The following CATSPERE variants were observed in gnomAD, a reference collection of about 807,000 sequenced individuals.
CATSPERE encodes the protein catsper channel auxiliary subunit epsilon.
In CATSPERE, 93 loss-of-function variants were observed where a neutral mutation model predicts 114.1. That is an observed-to-expected ratio of 0.81 (90% CI 0.69 to 0.97). CATSPERE has a LOEUF of 0.97. Among genes scored for constraint, CATSPERE ranks in the 50% least tolerant of loss-of-function variants. The pLI, the probability that CATSPERE is intolerant of heterozygous loss-of-function variation, is 0.00. For missense variants in CATSPERE, 1,058 were observed against 1,131.6 expected, an observed-to-expected ratio of 0.93 and a Z score of 0.93; for synonymous variants, 341 against 384.1, an observed-to-expected ratio of 0.89 and a Z score of 1.31.
rs1679309298 is a variant in CATSPERE, at chr1:244,529,857, A to G, written c.536+11159A>G. 5.9e-5 allele frequency among the ~76,000 whole-genome samples: 9 copies of G among 152,158 alleles called. No homozygotes were observed. The South Asian group carries it at 1.9e-3, about 32-fold the overall frequency. On this transcript the variant is annotated intron_variant, in intron 8 of 21. Coordinates refer to ENST00000366534, the MANE Select transcript of CATSPERE (RefSeq NM_001130957.2). Reference sequence around the variant, plus strand: ...GTAGTTTTATAGTTTGAGGTTTTAGACTTAAGTCTTTAATTCACTTGTTTT... The same window carrying G: ...GTAGTTTTATAGTTTGAGGTTTTAGGCTTAAGTCTTTAATTCACTTGTTTT...
At chr1:244,589,068 A>G (rs993928378) in intron 14 of CATSPERE, among the ~76,000 whole-genome samples, 1 of 152,222 alleles carries the variant, frequency 6.6e-6, no homozygotes, top group Non-Finnish European at 1.5e-5. Flanking sequence ...ACTATGGTTC[A>G]TGATGAAGCA....
rs1347321100 is a variant in CATSPERE, at chr1:244,581,844, T to C, written c.1999T>C (p.Phe667Leu). 3.1e-6 allele frequency: 4 copies of C among 1,309,736 alleles called. No individual in the cohort carries two copies. Among genetic ancestry groups the C allele is most frequent in the Non-Finnish European group, 4.3e-6 (4 of 930,944 alleles). The allele number at this position is 1,309,736 out of a possible 1,614,324, so 81.1% of individuals were successfully genotyped here. A position where few individuals can be genotyped will look rare whatever the true frequency, so the allele number is the denominator to read the frequency against. Residue 667 changes from phenylalanine (F) to leucine (L), a missense_variant, in exon 12 of 22, where the codon TTT becomes CTT. This residue lies in a region of CATSPERE where 787 missense variants were observed against 905.6 expected (regional missense o/e 0.87). Coordinates refer to ENST00000366534, the MANE Select transcript of CATSPERE (RefSeq NM_001130957.2). The stretch of plus-strand genomic sequence containing the variant: ...AGATTATGAGAGAATATCTGATTAC[T>C]TTGAGACACAGTAAGTATAACTTTT... ...NVDYERISDY[F>L]ETQDKHTGLV...
chr1:244,482,832 A>T (rs1195710399), intron 5 of CATSPERE, among the ~76,000 whole-genome samples: 1 of 152,158 alleles, frequency 6.6e-6, no homozygotes, highest in East Asian at 1.9e-4. Context: ...CCTAAATATT[A>T]TATAATGAAT....
chr1:244,605,075 A>G lies in CATSPERE; in HGVS notation c.2304-620A>G, dbSNP rs575154820. Among the ~76,000 whole-genome samples the G allele has an allele frequency of 6.6e-5, 10 of 152,300 alleles. No individual in the cohort carries two copies. The South Asian group carries it at 2.1e-3, about 32-fold the overall frequency. Reference sequence around the variant, plus strand: ...CTGCTTCTCAGCCTCACCTCGACTTACTGACACCACTGATCCTTCCAGACT... The same window carrying G: ...CTGCTTCTCAGCCTCACCTCGACTTGCTGACACCACTGATCCTTCCAGACT... On this transcript the variant is annotated intron_variant, in intron 17 of 21. Transcript: ENST00000366534.
At chr1:244,603,669 T>TC (rs1669581655) in intron 17 of CATSPERE, among the ~76,000 whole-genome samples, 1 of 151,768 alleles carries the variant, frequency 6.6e-6, no homozygotes, top group African/African-American at 2.4e-5. Flanking sequence ...AAGATTTTTT[T>TC]TTTTTTTTAA....
In CATSPERE at chr1:244,477,578, G is replaced by A. The variant is rs763803138; in HGVS notation, c.152G>A (p.Trp51Ter). 1.9e-6 allele frequency: 3 copies of A among 1,601,912 alleles called. No individual in the cohort carries two copies. Among genetic ancestry groups the A allele is most frequent in the Non-Finnish European group, 2.6e-6 (3 of 1,169,880 alleles). Reference sequence around the variant, plus strand: ...TATGAAGGAACATTATTTACTGAGTGGAGTGTGCCAGAAACTTGTTTTGTG... The same window carrying A: ...TATGAAGGAACATTATTTACTGAGTAGAGTGTGCCAGAAACTTGTTTTGTG... ...LEYEGTLFTE[W>*]SVPETCFVLN... Residue 51 changes from tryptophan (W) to a stop codon, truncating the protein, a stop_gained, in exon 3 of 22, where the codon TGG (tryptophan) becomes TAG (stop). Coordinates refer to ENST00000366534, the MANE Select transcript of CATSPERE (RefSeq NM_001130957.2). LOFTEE classifies it high-confidence loss of function.
intron 1 of CATSPERE, among the ~76,000 whole-genome samples, chr1:244,455,789 C>T (rs1423909235): frequency 6.6e-6 from 1 of 151,846 alleles, no homozygotes; most frequent in Non-Finnish European, 1.5e-5. Flanking sequence ...GCACCACAGA[C>T]CCCGTTTTGG....
intron 19 of CATSPERE, among the ~76,000 whole-genome samples, chr1:244,611,692 T>A (rs538590473): frequency 6.6e-6 from 1 of 152,168 alleles, no homozygotes; most frequent in Non-Finnish European, 1.5e-5. Flanking sequence ...TGATTTTTCA[T>A]TGAAGGACAT....
At position 244,518,547 on chromosome 1, in the gene CATSPERE, T is replaced by C. The variant is rs1393257896; in HGVS notation, c.430-45T>C. On this transcript the variant is annotated intron_variant, in intron 7 of 21. Coordinates refer to ENST00000366534, the MANE Select transcript of CATSPERE (RefSeq NM_001130957.2). ...ATCCTGATGTCACATCAAAATACTTTAGCTATGAAAATAATAAAAAATGAA... is the reference window on the plus strand; with the variant it reads ...ATCCTGATGTCACATCAAAATACTTCAGCTATGAAAATAATAAAAAATGAA... 10 of 1,153,494 alleles carry C rather than the reference T, an allele frequency of 8.7e-6. No individual in the cohort carries two copies. The Admixed American group carries it at 9.0e-5, about 10-fold the overall frequency. The allele number at this position is 1,153,494 out of a possible 1,614,324, so 71.5% of individuals were successfully genotyped here.
At chr1:244,542,810 A>G (rs543303324) in intron 8 of CATSPERE, among the ~76,000 whole-genome samples, 1 of 152,274 alleles carries the variant, frequency 6.6e-6, no homozygotes, top group South Asian at 2.1e-4. Flanking sequence ...CCCAGCATGC[A>G]GCCCTGCCCA....
chr1:244,621,299 A>ATATATT (rs554565080), intron 20 of CATSPERE, among the ~76,000 whole-genome samples: 5 of 86,596 alleles, frequency 5.8e-5, no homozygotes, highest in East Asian at 6.2e-4. Context: ...ATCTATATAA[A>ATATATT]TATATAAATA....
At chr1:244,582,777 G>A (rs925233228) in intron 12 of CATSPERE, among the ~76,000 whole-genome samples, 3 of 151,970 alleles carry the variant, frequency 2.0e-5, no homozygotes, top group Admixed American at 6.6e-5. Flanking sequence ...GCACTTTCTA[G>A]GTATTTAAAA....
At chr1:244,571,134 T>C (rs929958121) in intron 10 of CATSPERE, among the ~76,000 whole-genome samples, 2 of 152,240 alleles carry the variant, frequency 1.3e-5, no homozygotes, top group Non-Finnish European at 2.9e-5. Flanking sequence ...GAATTATATG[T>C]TATTATGTCA....
intron 6 of CATSPERE, among the ~76,000 whole-genome samples, chr1:244,493,136 A>G (rs1558365595): frequency 6.6e-6 from 1 of 152,128 alleles, no homozygotes; most frequent in Non-Finnish European, 1.5e-5. Context: ...CCGCATCTCC[A>G]AGTCAATCCT....
At chr1:244,451,564 T>C (rs1572155405), upstream of CATSPERE, 2 of 1,489,258 alleles carry the variant, frequency 1.3e-6, no homozygotes, top group East Asian at 4.9e-5. The surrounding 1 kb of genome is among the most constrained non-coding windows in gnomAD (Gnocchi z 6.6). Flanking sequence ...GGGTCCGAGT[T>C]CCCGGGCACC....
chr1:244,574,524 GT>G (rs1253893884), intron 11 of CATSPERE, among the ~76,000 whole-genome samples: 2 of 152,116 alleles, frequency 1.3e-5, no homozygotes, highest in African/African-American at 2.4e-5. Flanking sequence ...TGATTTTATA[GT>G]TTTTTTCTCT....
chr1:244,527,591 G>A (rs773246103), intron 8 of CATSPERE, among the ~76,000 whole-genome samples: 8 of 152,094 alleles, frequency 5.3e-5, no homozygotes, highest in Non-Finnish European at 7.3e-5. Flanking sequence ...CTCAGCTTAC[G>A]AAGATGACGG....
chr1:244,494,745 A>G (rs984539490), intron 6 of CATSPERE, among the ~76,000 whole-genome samples: 2 of 152,178 alleles, frequency 1.3e-5, no homozygotes, highest in South Asian at 2.1e-4. Flanking sequence ...TTACACCTCT[A>G]TATAGATATT....
upstream of CATSPERE, among the ~76,000 whole-genome samples, chr1:244,458,144 G>T (rs1156705895): frequency 6.6e-6 from 1 of 152,032 alleles, no homozygotes; most frequent in African/African-American, 2.4e-5. Context: ...TTAAATGCAG[G>T]TTTCTGATTA....
Sources: allele counts gnomAD v4.1 joint callset (sites outside exome capture counted in the v4.1 genomes callset), GRCh38; gene constraint gnomAD v4.1.1; regional missense constraint gnomAD v4.1.1; non-coding constraint Gnocchi (gnomAD v3.1); transcripts MANE v1.5; gene names NCBI Gene and HGNC (gene_info 2026-07-23, HGNC 2026-07-21).